Variants in SP1 observed in about 807,000 individuals in gnomAD.
SP1 encodes Sp1 transcription factor, also known as transcription factor Sp1.
A neutral mutation model predicts 66.3 loss-of-function variants in SP1; 6 were observed. The observed-to-expected ratio is 0.09, with a 90% CI of 0.05 to 0.18. The LOEUF is 0.18. Ranked by LOEUF, SP1 falls within the 10% of genes least tolerant of loss-of-function variation. SP1 has a pLI of 1.00. For synonymous variants in SP1, 417 were observed against 360.8 expected (o/e 1.16, Z -1.77); for missense variants, 848 against 964.5 (o/e 0.88, Z 1.60).
In SP1 at chr12:53,380,237, C is replaced by A. The variant is rs1225901840; in HGVS notation, c.-55C>A. On this transcript the variant is annotated 5_prime_UTR_variant, in exon 1 of 6. Transcript: ENST00000327443. ...TCGTCAGCGTCCGCGTTTTTCCCGG[C>A]CCCCCCCAACCCCCCCGGACAGGAC... is the stretch of plus-strand genomic sequence containing the variant. The A allele has an allele frequency of 6.5e-6, 5 of 768,610 alleles. No homozygotes were observed. The highest frequency in any genetic ancestry group is 3.2e-5 in the East Asian group (1 of 31,362). The allele number at this position is 768,610 out of a possible 1,614,324, so 47.6% of individuals were successfully genotyped here.
chr12:53,399,623 G>A (rs1382275479), intron 3 of SP1, among the ~76,000 whole-genome samples: 1 of 145,044 alleles, frequency 6.9e-6, no homozygotes, highest in Non-Finnish European at 1.5e-5. Context: ...GAGCCACCGC[G>A]CCCTGCCTTA....
At chr12:53,410,304 C>CA (rs1324067623) in intron 5 of SP1, among the ~76,000 whole-genome samples, 2 of 151,212 alleles carry the variant, frequency 1.3e-5, no homozygotes, top group Non-Finnish European at 2.9e-5. Flanking sequence ...GACTCTGTCT[C>CA]AAAAAAATAA....
At position 53,411,420 on chromosome 12, in the gene SP1, C is replaced by A; in HGVS notation, c.*180C>A. ...GGGTCCCGGCACCCATCTGTATCAT[C>A]AGTGCCTCTTTGAAGGTGGGAAACA... On this transcript the variant is annotated 3_prime_UTR_variant, in exon 6 of 6. Transcript: ENST00000327443. The A allele has an allele frequency of 1.9e-6, 1 of 536,228 alleles. No homozygotes were observed. The highest frequency in any genetic ancestry group is 3.5e-5 in the Admixed American group (1 of 28,358). The allele number at this position is 536,228 out of a possible 1,614,324, so 33.2% of individuals were successfully genotyped here.
At position 53,382,963 on chromosome 12, in the gene SP1, T is replaced by A. The variant is rs139394678; in HGVS notation, c.1016T>A (p.Met339Lys). The change falls in exon 3 of 6, where the codon ATG becomes AAG. Residue 339 changes from methionine (M) to lysine (K), a missense_variant. By Grantham distance (95) the Met-to-Lys change is moderately conservative (BLOSUM62 -1). This residue lies in a region of SP1 where 606 missense variants were observed against 589.9 expected (regional missense o/e 1.03). Transcript: ENST00000327443. ...TTTTTSNMGIMNFTTSGSSGT... is the reference protein window; with the variant it reads ...TTTTTSNMGIKNFTTSGSSGT... ...ACTACCACCAGCAACATGGGAATTA[T>A]GAACTTTACTACCAGTGGATCATCA... The A allele has an allele frequency of 6.2e-7, 1 of 1,614,176 alleles. No individual in the cohort carries two copies. The highest frequency in any genetic ancestry group is 1.7e-5 in the Admixed American group (1 of 60,010).
At chr12:53,408,165 G>C (rs1307504085) in intron 4 of SP1, among the ~76,000 whole-genome samples, 3 of 143,138 alleles carry the variant, frequency 2.1e-5, no homozygotes, top group Non-Finnish European at 3.1e-5. Flanking sequence ...AGAATTGCTC[G>C]AACTTGGGAG....
rs146790491 is a variant in SP1 at position 53,382,826 on chromosome 12, G to A, written c.879G>A (p.Glu293=). ...AVTISSSGSQ[E]SGSQPVTSGT... ...CGATCAGCAGCTCTGGGTCCCAGGAGAGTGGCTCACAGCCTGTCACCTCAG... is the reference window on the plus strand; with the variant it reads ...CGATCAGCAGCTCTGGGTCCCAGGAAAGTGGCTCACAGCCTGTCACCTCAG... The change falls in exon 3 of 6, where the codon GAG becomes GAA. Residue 293 remains glutamate, a synonymous_variant. Coordinates refer to ENST00000327443, the MANE Select transcript of SP1 (RefSeq NM_138473.3). 650 of 1,614,156 alleles carry A rather than the reference G, an allele frequency of 4.0e-4. 10 individuals carry two copies. The South Asian group carries it at 5.2e-3, about 13-fold the overall frequency.
rs767489810 is a variant in SP1, at chr12:53,413,365, C to T, written c.*2125C>T. On this transcript the variant is annotated 3_prime_UTR_variant, in exon 6 of 6. Coordinates refer to ENST00000327443, the MANE Select transcript of SP1 (RefSeq NM_138473.3). ...CTTATTCTTCTCATAAATCTTTTTA[C>T]TTTGGCTACAAATAGATGATGGTAT... The T allele has an allele frequency of 1.3e-5, 2 of 152,266 alleles. No individual in the cohort carries two copies. Among genetic ancestry groups the T allele is most frequent in the Non-Finnish European group, 2.9e-5 (2 of 68,022 alleles). 9.4% of individuals were successfully genotyped at this position (152,266 alleles called of 1,614,324 possible). A position where few individuals can be genotyped will look rare whatever the true frequency, so the allele number is the denominator to read the frequency against.
At position 53,406,761 on chromosome 12, in the gene SP1, G is replaced by T; in HGVS notation, c.1844+8G>T. ...TAAAGACAGTGAAGGAAGGTGAGTTGACCCAGCCAGTTTCTTACAAATATA... is the reference window on the plus strand; with the variant it reads ...TAAAGACAGTGAAGGAAGGTGAGTTTACCCAGCCAGTTTCTTACAAATATA... On this transcript the variant is annotated splice_region_variant and intron_variant, in intron 4 of 5. Transcript: ENST00000327443. 2 of 1,606,718 alleles carry T rather than the reference G, an allele frequency of 1.2e-6. No homozygotes were observed. Among genetic ancestry groups the T allele is most frequent in the South Asian group, 2.2e-5 (2 of 90,594 alleles).
chr12:53,406,675 C>G lies in SP1; in HGVS notation c.1766C>G (p.Pro589Arg). The G allele has an allele frequency of 6.2e-7, 1 of 1,614,112 alleles. No individual in the cohort carries two copies. The highest frequency in any genetic ancestry group is 8.5e-7 in the Non-Finnish European group (1 of 1,180,022). Reference protein sequence around the residue: ...TAGGEEGENSPDAQPQAGRRT... With the variant: ...TAGGEEGENSRDAQPQAGRRT... ...GGTGGAGAGGAAGGAGAAAACAGCC[C>G]AGATGCCCAACCCCAAGCCGGTCGG... The change falls in exon 4 of 6, where the codon CCA becomes CGA. Residue 589 changes from proline (P) to arginine (R), a missense_variant. Physicochemically the swap from Pro to Arg is moderately radical, Grantham distance 103. Around this residue, in one of 7 missense-constraint regions of SP1, gnomAD observed 26 missense variants for 49.2 expected, o/e 0.53. Coordinates refer to ENST00000327443, the MANE Select transcript of SP1 (RefSeq NM_138473.3).
At chr12:53,393,523 TCTG>T (rs1161947073) in intron 3 of SP1, among the ~76,000 whole-genome samples, 2 of 152,062 alleles carry the variant, frequency 1.3e-5, no homozygotes, top group East Asian at 3.9e-4. Context: ...CCTCAGGTGA[TCTG>T]CTCACCTCAG....
chr12:53,392,379 C>T (rs1465289637), intron 3 of SP1, among the ~76,000 whole-genome samples: 4 of 99,908 alleles, frequency 4.0e-5, no homozygotes, highest in East Asian at 3.0e-4. Context: ...TTTTTTGAGA[C>T]GGAGTCTCGC....
Position 53,383,616 on chromosome 12 carries a change from GC to G in SP1, c.1673del (p.Pro558GlnfsTer139). ...AGGCCTGCCGTTGGCTATAGCAAAT[GC>G]CCCAGGTAAGATTTCCAATCTTGTG... is the stretch of plus-strand genomic sequence containing the variant. Reference protein sequence around the residue: ...IQGLPLAIANAPGDHGAQLGL... With the variant: ...IQGLPLAIANXPGDHGAQLGL... On this transcript the variant is annotated frameshift_variant, in exon 3 of 6. Coordinates refer to ENST00000327443, the MANE Select transcript of SP1 (RefSeq NM_138473.3). LOFTEE classifies it high-confidence loss of function. 6.3e-7 allele frequency: 1 copy of G among 1,599,900 alleles called. No homozygotes were observed.
At chr12:53,399,989 C>T (rs1016965062) in intron 3 of SP1, among the ~76,000 whole-genome samples, 2 of 152,118 alleles carry the variant, frequency 1.3e-5, no homozygotes, top group Non-Finnish European at 2.9e-5. Context: ...TGGTCTCAAT[C>T]TCCTGACCTA....
At position 53,380,749 on chromosome 12, in the gene SP1, CCACCGTCCCGCCCTTTCCACGCCCCT is replaced by C. The variant is rs1486215941; in HGVS notation, c.7+456_7+481del. On this transcript the variant is annotated intron_variant, in intron 1 of 5. Coordinates refer to ENST00000327443, the MANE Select transcript of SP1 (RefSeq NM_138473.3). Reference sequence around the variant, plus strand: ...GTAGATTTCCCTTCCCCCCCGCCCCCCACCGTCCCGCCCTTTCCACGCCCCTCACCCCGAAACCGCCCTTTCCCTCA... The same window carrying C: ...GTAGATTTCCCTTCCCCCCCGCCCCCCACCCCGAAACCGCCCTTTCCCTCA... 21 of 691,894 alleles carry C rather than the reference CCACCGTCCCGCCCTTTCCACGCCCCT, an allele frequency of 3.0e-5. No individual in the cohort carries two copies. In the Admixed American group the frequency reaches 5.2e-4, roughly 17 times the overall value. 42.9% of individuals were successfully genotyped at this position (691,894 alleles called of 1,614,324 possible).
chr12:53,394,378 TCTC>T (rs1938425453), intron 3 of SP1, among the ~76,000 whole-genome samples: 1 of 150,452 alleles, frequency 6.6e-6, no homozygotes, highest in Admixed American at 6.6e-5. Context: ...TCTTTCTCTC[TCTC>T]CTCTTTTTGT....
rs201324612 is a variant in SP1, at chr12:53,381,649, A to G, written c.8-10A>G. 3.8e-4 allele frequency: 603 copies of G among 1,590,500 alleles called. No individual in the cohort carries two copies. Among genetic ancestry groups the G allele is most frequent in the Non-Finnish European group, 5.0e-4 (581 of 1,169,770 alleles). On this transcript the variant is annotated splice_polypyrimidine_tract_variant and intron_variant, in intron 1 of 5. Coordinates refer to ENST00000327443, the MANE Select transcript of SP1 (RefSeq NM_138473.3). ...TCAAGTTTACGTTGTTTGTTTTTTA[A>G]TTATTTTAGACCAAGATCACTCCAT...
chr12:53,405,728 A>G (rs969389008), intron 3 of SP1, among the ~76,000 whole-genome samples: 3 of 151,826 alleles, frequency 2.0e-5, no homozygotes, highest in Non-Finnish European at 2.9e-5. Context: ...GGAGGGAAGG[A>G]AGAGAGAGAG....
rs1284240581 is a variant in SP1 at position 53,391,350 on chromosome 12, T to C, written c.1675+7728T>C. Among the ~76,000 whole-genome samples, 10 of 144,306 alleles carry C rather than the reference T, an allele frequency of 6.9e-5. No homozygotes were observed. The East Asian group carries it at 2.0e-3, about 29-fold the overall frequency. The allele number at this position is 144,306 out of a possible 152,430, so 94.7% of individuals were successfully genotyped here. On this transcript the variant is annotated intron_variant, in intron 3 of 5. Transcript: ENST00000327443. Reference sequence around the variant, plus strand: ...CTTTTTTTTTTTAAGTAATGTCTTTTTTTTTTTTTTTTTTTTTGAGACGGA... The same window carrying C: ...CTTTTTTTTTTTAAGTAATGTCTTTCTTTTTTTTTTTTTTTTTGAGACGGA...
intron 3 of SP1, among the ~76,000 whole-genome samples, chr12:53,398,941 A>G (rs1171924146): frequency 1.3e-5 from 2 of 152,176 alleles, no homozygotes; most frequent in Non-Finnish European, 2.9e-5. Context: ...CTTTTTGTAC[A>G]TTTCTGTACA....
Sources: gnomAD v4.1 joint callset for allele counts (sites outside exome capture counted in the v4.1 genomes callset) on GRCh38, gnomAD v4.1.1 for gene constraint, gnomAD v4.1.1 regional missense constraint, MANE v1.5 for transcripts, NCBI Gene and HGNC (gene_info 2026-07-23, HGNC 2026-07-21) for gene names.